Variants in MTHFD1L observed in about 807,000 individuals in gnomAD.
MTHFD1L encodes the protein methylenetetrahydrofolate dehydrogenase (NADP+ dependent) 1 like.
Under a neutral mutation model 119.5 loss-of-function variants are expected in MTHFD1L, and 81 were observed. The ratio of observed to expected loss-of-function variants is 0.68; its 90% CI spans 0.57 to 0.82. The LOEUF is 0.82. Ranked by LOEUF, MTHFD1L falls within the 40% of genes least tolerant of loss-of-function variation. The pLI is 0.00. For synonymous variants in MTHFD1L, 430 were observed against 475.2 expected, an observed-to-expected ratio of 0.90 and a Z score of 1.24; for missense variants, 1,125 against 1,253.4, an observed-to-expected ratio of 0.90 and a Z score of 1.55.
At chr6:151,070,898 G>A (rs947816464) in intron 26 of MTHFD1L, among the ~76,000 whole-genome samples, 3 of 152,070 alleles carry the variant, frequency 2.0e-5, no homozygotes, top group African/African-American at 7.2e-5. Flanking sequence ...AGATAAAAAG[G>A]GCCAGGCATG....
chr6:150,925,613 A>G (rs1008582907), intron 10 of MTHFD1L, among the ~76,000 whole-genome samples: 2 of 152,246 alleles, frequency 1.3e-5, no homozygotes, highest in Non-Finnish European at 2.9e-5. Flanking sequence ...GTGTGGACAC[A>G]GATAAAACGA....
chr6:150,937,984 A>C (rs954822667), intron 12 of MTHFD1L, among the ~76,000 whole-genome samples: 1 of 152,056 alleles, frequency 6.6e-6, no homozygotes. Context: ...TAATTTACTC[A>C]TTTGAGGTGG....
chr6:150,877,351 C>T (rs970955920), intron 2 of MTHFD1L, among the ~76,000 whole-genome samples: 1 of 152,166 alleles, frequency 6.6e-6, no homozygotes, highest in Admixed American at 6.5e-5. Flanking sequence ...TGTGCCCAGT[C>T]GGTGTCCTCA....
intron 1 of MTHFD1L, among the ~76,000 whole-genome samples, chr6:150,875,676 C>G (rs1269872672): frequency 6.6e-6 from 1 of 152,062 alleles, no homozygotes; most frequent in Non-Finnish European, 1.5e-5. Flanking sequence ...CCTGTCTTCA[C>G]ATCCCTCTTC....
chr6:151,016,765 A>C (rs1424115288), intron 24 of MTHFD1L: 1 of 322,026 alleles, frequency 3.1e-6, no homozygotes, highest in Non-Finnish European at 5.7e-6. Context: ...TTACTATCTT[A>C]GCCTTTTTTT....
intron 1 of MTHFD1L, among the ~76,000 whole-genome samples, chr6:150,867,194 T>C (rs1348081928): frequency 6.6e-6 from 1 of 152,182 alleles, no homozygotes; most frequent in Non-Finnish European, 1.5e-5. Context: ...TTGTTCTCTG[T>C]CTTCTTTTTC....
chr6:150,918,148 CTCCACCT>C (rs538447616), intron 8 of MTHFD1L, among the ~76,000 whole-genome samples: 332 of 150,612 alleles, frequency 2.2e-3, no homozygotes, highest in Non-Finnish European at 3.8e-3. Flanking sequence ...TCACTGCAAC[CTCCACCT>C]TCCAGCTTCA....
intron 17 of MTHFD1L, among the ~76,000 whole-genome samples, chr6:150,956,783 A>G (rs1795707098): frequency 6.6e-6 from 1 of 152,200 alleles, no homozygotes; most frequent in Admixed American, 6.5e-5. Flanking sequence ...TCACCTTACT[A>G]TAATAACCAA....
In MTHFD1L at chr6:151,039,388, A is replaced by G. The variant is rs906493647; in HGVS notation, c.2847+2271A>G. Among the ~76,000 whole-genome samples the G allele has an allele frequency of 6.6e-6, 1 of 152,062 alleles. No individual in the cohort carries two copies. Among genetic ancestry groups the G allele is most frequent in the African/African-American group, 2.4e-5 (1 of 41,410 alleles). ...CTTTTTGGGATAATGCAAATACCCT[A>G]TGTTTTGACGTGGTAGTGATTCCAT... On this transcript the variant is annotated intron_variant, in intron 26 of 27. Transcript: ENST00000367321. This position sits in a 1 kb window ranked among gnomAD's most constrained non-coding sequence, Gnocchi z 4.4.
intron 7 of MTHFD1L, among the ~76,000 whole-genome samples, chr6:150,888,201 T>A (rs1782639537): frequency 1.3e-5 from 2 of 152,068 alleles, no homozygotes; most frequent in South Asian, 4.2e-4. Context: ...AAAGAACAGA[T>A]CATTCTAATA....
At chr6:150,983,140 A>G (rs1365024406) in intron 20 of MTHFD1L, among the ~76,000 whole-genome samples, 1 of 152,058 alleles carries the variant, frequency 6.6e-6, no homozygotes, top group Non-Finnish European at 1.5e-5. Flanking sequence ...CCTTTTTCTT[A>G]CTAATTAATG....
rs548485532 is a variant in MTHFD1L, at chr6:151,093,272, C to G, written c.*31+685C>G. Among the ~76,000 whole-genome samples, 19 of 152,308 alleles carry G rather than the reference C, an allele frequency of 1.2e-4. No homozygotes were observed. The South Asian group carries it at 3.5e-3, about 28-fold the overall frequency. On this transcript the variant is annotated intron_variant, in intron 27 of 27. Coordinates refer to ENST00000367321, the MANE Select transcript of MTHFD1L (RefSeq NM_015440.5). The stretch of plus-strand genomic sequence containing the variant: ...CCTCTGTGGTCCCACCACGTTCTCC[C>G]TGTGTCTGTGTCTTCACATGATGTT...
Position 150,992,196 on chromosome 6 carries a change from G to A in MTHFD1L, c.2126-17623G>A, listed in dbSNP as rs192781069. Reference sequence around the variant, plus strand: ...TCCCCAGGAAAGGACTCCTTCGTCAGTAAGAGATGTGCACGTGGTATAACC... The same window carrying A: ...TCCCCAGGAAAGGACTCCTTCGTCAATAAGAGATGTGCACGTGGTATAACC... On this transcript the variant is annotated intron_variant, in intron 20 of 27. Coordinates refer to ENST00000367321, the MANE Select transcript of MTHFD1L (RefSeq NM_015440.5). Among the ~76,000 whole-genome samples the A allele has an allele frequency of 8.1e-4, 123 of 152,342 alleles. 1 individual carries two copies. The highest frequency in any genetic ancestry group is 2.6e-3 in the African/African-American group (110 of 41,594).
In MTHFD1L at chr6:150,882,556, A is replaced by AT. The variant is rs1033043158; in HGVS notation, c.418-196dup. The stretch of plus-strand genomic sequence containing the variant: ...CTAAAAAATTCAGCCAAGCCTTTTA[A>AT]TTTTTTTTTTGAGCCTTGTACACAT... On this transcript the variant is annotated intron_variant, in intron 4 of 27. Coordinates refer to ENST00000367321, the MANE Select transcript of MTHFD1L (RefSeq NM_015440.5). 1.8e-3 allele frequency among the ~76,000 whole-genome samples: 269 copies of AT among 150,442 alleles called. 2 individuals are homozygous for AT. Among genetic ancestry groups the AT allele is most frequent in the African/African-American group, 5.7e-3 (234 of 41,102 alleles).
intron 26 of MTHFD1L, among the ~76,000 whole-genome samples, chr6:151,081,498 CA>C (rs56795003): frequency 0.1 from 9,728 of 97,300 alleles, 201 homozygotes; most frequent in African/African-American, 0.17. Context: ...ACTAAAAATG[CA>C]AAAAAAAAAA....
At chr6:151,079,077 G>T (rs187590972) in intron 26 of MTHFD1L, among the ~76,000 whole-genome samples, 183 of 152,246 alleles carry the variant, frequency 1.2e-3, no homozygotes, top group African/African-American at 3.9e-3. Context: ...CAGCGCCCTA[G>T]CAAGATGAGC....
rs749533204 is a variant in MTHFD1L at position 151,039,213 on chromosome 6, CCA to C, written c.2847+2099_2847+2100del. 3.3e-5 allele frequency among the ~76,000 whole-genome samples: 5 copies of C among 152,164 alleles called. No individual in the cohort carries two copies. The South Asian group carries it at 6.2e-4, about 19-fold the overall frequency. ...ATGGCAGAGAACGTCCAGAAAAATC[CCA>C]CAGACACCGCTCGTAGCAGTGTTGG... is the stretch of plus-strand genomic sequence containing the variant. On this transcript the variant is annotated intron_variant, in intron 26 of 27. Coordinates refer to ENST00000367321, the MANE Select transcript of MTHFD1L (RefSeq NM_015440.5). The surrounding 1 kb of genome is among the most constrained non-coding windows in gnomAD (Gnocchi z 4.4).
In MTHFD1L at chr6:151,090,180, A is replaced by C. The variant is rs1031564541; in HGVS notation, c.2848-2287A>C. ...CCAGCTAGGCAGGGAAGGGGGTGTT[A>C]ATGAGGCCTGCAGGTGCACAGATTT... On this transcript the variant is annotated intron_variant, in intron 26 of 27. Transcript: ENST00000367321. 9.2e-5 allele frequency among the ~76,000 whole-genome samples: 14 copies of C among 152,128 alleles called. 1 individual carries two copies. The highest frequency in any genetic ancestry group is 3.4e-4 in the African/African-American group (14 of 41,422).
intron 16 of MTHFD1L, 115 bp from the exon 17 acceptor site, chr6:150,955,880 C>T: frequency 1.2e-6 from 1 of 820,776 alleles, no homozygotes; most frequent in Non-Finnish European, 2.1e-6. Context: ...CTTGGGGGAG[C>T]CTGACCTTTT....
Sources: gnomAD v4.1 joint callset for allele counts (sites outside exome capture counted in the v4.1 genomes callset) on GRCh38, gnomAD v4.1.1 for gene constraint, Gnocchi (gnomAD v3.1) non-coding constraint, MANE v1.5 for transcripts, NCBI Gene and HGNC (gene_info 2026-07-23, HGNC 2026-07-21) for gene names.